KCNG3: variants seen among roughly 807,000 people sequenced by gnomAD.
KCNG3 encodes the protein voltage-gated potassium channel regulatory subunit KCNG3.
KCNG3 carries 15 observed loss-of-function variants against 29.0 expected under a neutral mutation model. That is an observed-to-expected ratio of 0.52 (90% CI 0.35 to 0.80). The LOEUF is 0.80. KCNG3 is among the 30% of genes least tolerant of loss of function. KCNG3 has a pLI of 0.01. For synonymous variants in KCNG3, 322 were observed against 248.9 expected, an observed-to-expected ratio of 1.29 and a Z score of -2.76; for missense variants, 512 against 605.7, an observed-to-expected ratio of 0.85 and a Z score of 1.62.
At chr2:42,485,416 G>A (rs1673696172) in intron 1 of KCNG3, among the ~76,000 whole-genome samples, 2 of 151,654 alleles carry the variant, frequency 1.3e-5, no homozygotes, top group Non-Finnish European at 2.9e-5. Flanking sequence ...CCTTTCAGAA[G>A]TCACAACTTC....
At chr2:42,452,454 A>G (rs1308015862) in intron 1 of KCNG3, among the ~76,000 whole-genome samples, 1 of 151,740 alleles carries the variant, frequency 6.6e-6, no homozygotes, top group East Asian at 1.9e-4. Flanking sequence ...AGCAAATACT[A>G]GGTCTCACTC....
chr2:42,493,432 G>C lies in KCNG3; in HGVS notation c.70C>G (p.Arg24Gly), dbSNP rs1192318556. The C allele has an allele frequency of 6.7e-7, 1 of 1,481,782 alleles. No homozygotes were observed. The highest frequency in any genetic ancestry group is 8.9e-7 in the Non-Finnish European group (1 of 1,121,526). 91.8% of individuals were successfully genotyped at this position (1,481,782 alleles called of 1,614,324 possible). A position where few individuals can be genotyped will look rare whatever the true frequency, so the allele number is the denominator to read the frequency against. Residue 24 changes from arginine to glycine, a missense_variant, in exon 1 of 2, where the codon CGG becomes GGG. Physicochemically the swap from Arg to Gly is moderately radical, Grantham distance 125. Coordinates refer to ENST00000306078, the MANE Select transcript of KCNG3 (RefSeq NM_133329.6). Reference protein sequence around the residue: ...NVGGARYSLSRELLKDFPLRR... With the variant: ...NVGGARYSLSGELLKDFPLRR... Reference sequence around the variant, plus strand: ...AGCGGGAAGTCCTTCAGCAGCTCCCGGGACAGCGAATACCGGGCGCCGCCC... The same window carrying C: ...AGCGGGAAGTCCTTCAGCAGCTCCCCGGACAGCGAATACCGGGCGCCGCCC...
intron 1 of KCNG3, among the ~76,000 whole-genome samples, chr2:42,459,826 A>T (rs1375217660): frequency 1.3e-5 from 2 of 152,034 alleles, no homozygotes; most frequent in African/African-American, 4.8e-5. Context: ...AATACAAAAA[A>T]TTAGCTGGGC....
At chr2:42,476,535 G>A (rs938435776) in intron 1 of KCNG3, among the ~76,000 whole-genome samples, 1 of 151,948 alleles carries the variant, frequency 6.6e-6, no homozygotes, top group Admixed American at 6.6e-5. Flanking sequence ...CACCCCAGCT[G>A]GAGTGCAGTG....
intron 1 of KCNG3, among the ~76,000 whole-genome samples, chr2:42,449,739 C>T (rs1200537657): frequency 6.6e-6 from 1 of 152,092 alleles, no homozygotes. Flanking sequence ...GCATGAGCCA[C>T]CGCACCCAGC....
At chr2:42,461,090 G>C (rs372159151) in intron 1 of KCNG3, among the ~76,000 whole-genome samples, 2 of 150,530 alleles carry the variant, frequency 1.3e-5, no homozygotes, top group Non-Finnish European at 3.0e-5. Flanking sequence ...GAACTCAGGA[G>C]GTGGAGCTTG....
At chr2:42,487,771 C>T (rs568312585) in intron 1 of KCNG3, among the ~76,000 whole-genome samples, 329 of 152,228 alleles carry the variant, frequency 2.2e-3, no homozygotes, top group African/African-American at 7.7e-3. Context: ...GGAATGTATC[C>T]TATGGATATA....
chr2:42,471,078 G>C (rs1460361897), intron 1 of KCNG3, among the ~76,000 whole-genome samples: 2 of 151,918 alleles, frequency 1.3e-5, no homozygotes, highest in Non-Finnish European at 2.9e-5. Flanking sequence ...CTTGAGCCTA[G>C]GGCTTCAAGG....
At chr2:42,460,605 G>C (rs1672990666) in intron 1 of KCNG3, among the ~76,000 whole-genome samples, 1 of 152,178 alleles carries the variant, frequency 6.6e-6, no homozygotes, top group Non-Finnish European at 1.5e-5. Flanking sequence ...CTTTGAGAAA[G>C]TGGCGATTTA....
At chr2:42,427,447 A>G in the KCNG3 span, among the ~76,000 whole-genome samples, 1 of 152,082 alleles carries the variant, frequency 6.6e-6, no homozygotes, top group African/African-American at 2.4e-5. Flanking sequence ...TCTATTAAAA[A>G]ATGCAAAAAT....
chr2:42,419,414 T>C, the KCNG3 span, among the ~76,000 whole-genome samples: 1 of 151,622 alleles, frequency 6.6e-6, no homozygotes, highest in Non-Finnish European at 1.5e-5. Context: ...ATTTTTTGTA[T>C]TTTTAGTTAA....
the KCNG3 span, among the ~76,000 whole-genome samples, chr2:42,412,741 T>C: frequency 2.6e-5 from 4 of 152,144 alleles, no homozygotes; most frequent in Admixed American, 6.6e-5. Context: ...ATACTAGTAA[T>C]TGAGAATTTT....
chr2:42,430,007 G>A, the KCNG3 span, among the ~76,000 whole-genome samples: 1 of 152,124 alleles, frequency 6.6e-6, no homozygotes, highest in African/African-American at 2.4e-5. Context: ...TAAATACAGA[G>A]AGAAAGATAT....
At chr2:42,487,174 A>G (rs1181107869) in intron 1 of KCNG3, among the ~76,000 whole-genome samples, 1 of 150,966 alleles carries the variant, frequency 6.6e-6, no homozygotes, top group Non-Finnish European at 1.5e-5. Flanking sequence ...AAAAAAAAAA[A>G]GAATTCACAA....
intron 1 of KCNG3, chr2:42,470,087 A>T: frequency 2.1e-6 from 1 of 487,772 alleles, no homozygotes. Flanking sequence ...CCATTTAATT[A>T]AGAAAGCAGT....
rs1490440234 is a variant in KCNG3 at position 42,442,441 on chromosome 2, T to G, written c.*1493A>C. 2.6e-5 allele frequency: 4 copies of G among 152,216 alleles called. No individual in the cohort carries two copies. The highest frequency in any genetic ancestry group is 5.9e-5 in the Non-Finnish European group (4 of 68,042). The allele number at this position is 152,216 out of a possible 1,614,324, so 9.4% of individuals were successfully genotyped here. A position where few individuals can be genotyped will look rare whatever the true frequency, so the allele number is the denominator to read the frequency against. ...TAGCCCTGACTCCTTCACAATTATA[T>G]TCTCTCCTGCCCTGATTTTCTACCT... On this transcript the variant is annotated 3_prime_UTR_variant, in exon 2 of 2. Transcript: ENST00000306078.
chr2:42,492,978 C>A lies in KCNG3; in HGVS notation c.524G>T (p.Ser175Ile). The change falls in exon 1 of 2, where the codon AGC becomes ATC. Residue 175 changes from serine to isoleucine, a missense_variant. By Grantham distance (142) the Ser-to-Ile change is moderately radical. Around this residue, in one of 5 missense-constraint regions of KCNG3, gnomAD observed 228 missense variants for 200.0 expected, o/e 1.14. Coordinates refer to ENST00000306078, the MANE Select transcript of KCNG3 (RefSeq NM_133329.6). ...CACGATCACGAACACCACCGACACG[C>A]TAGCCAGGATCTGCGCGGCCAGCGA... ...TSSLAAQILA[S>I]VSVVFVIVSM... 1 of 1,551,534 alleles carries A rather than the reference C, an allele frequency of 6.4e-7. No homozygotes were observed. Among genetic ancestry groups the A allele is most frequent in the Non-Finnish European group, 8.7e-7 (1 of 1,152,448 alleles).
At chr2:42,488,549 TTTC>T (rs1313529632) in intron 1 of KCNG3, among the ~76,000 whole-genome samples, 1 of 151,230 alleles carries the variant, frequency 6.6e-6, no homozygotes, top group African/African-American at 2.4e-5. Flanking sequence ...TTCATTTTCT[TTTC>T]TTTTTTTTTT....
At chr2:42,425,539 CT>C in the KCNG3 span, among the ~76,000 whole-genome samples, 1 of 151,724 alleles carries the variant, frequency 6.6e-6, no homozygotes, top group Non-Finnish European at 1.5e-5. Flanking sequence ...ACTAGGAGAA[CT>C]GAAAGCGGCT....
Sources: gnomAD v4.1 joint callset for allele counts (sites outside exome capture counted in the v4.1 genomes callset) on GRCh38, gnomAD v4.1.1 for gene constraint, gnomAD v4.1.1 regional missense constraint, MANE v1.5 for transcripts, NCBI Gene and HGNC (gene_info 2026-07-23, HGNC 2026-07-21) for gene names.